Variants in RBM20 observed in about 807,000 individuals in gnomAD.
RBM20 encodes the protein RNA binding motif protein 20.
In RBM20, 51 loss-of-function variants were observed where a neutral mutation model predicts 110.1. The observed-to-expected ratio is 0.46, with a 90% CI of 0.37 to 0.59. RBM20 has a LOEUF of 0.59. Ranked by LOEUF, RBM20 falls within the 20% of genes least tolerant of loss-of-function variation. The pLI is 0.00. For synonymous variants in RBM20, 589 were observed against 618.2 expected, an observed-to-expected ratio of 0.95 and a Z score of 0.70; for missense variants, 1,512 against 1,574.9, an observed-to-expected ratio of 0.96 and a Z score of 0.68.
chr10:110,665,133 C>T (rs1452538548), intron 1 of RBM20, among the ~76,000 whole-genome samples: 2 of 152,078 alleles, frequency 1.3e-5, no homozygotes, highest in African/African-American at 2.4e-5. Context: ...GCCTCAGCCT[C>T]GCAAAGTGTT....
At chr10:110,643,320 C>T (rs1176313535), upstream of RBM20, among the ~76,000 whole-genome samples, 2 of 145,356 alleles carry the variant, frequency 1.4e-5, no homozygotes, top group African/African-American at 5.4e-5. Flanking sequence ...GCTCCGTAGA[C>T]ATTTCTGTGT....
chr10:110,817,022 A>G (rs1004354107), intron 9 of RBM20, among the ~76,000 whole-genome samples: 1 of 152,226 alleles, frequency 6.6e-6, no homozygotes, highest in Admixed American at 6.5e-5. Flanking sequence ...CCACAGGACC[A>G]TAAAGAGGAG....
At chr10:110,806,950 G>A (rs1564852501) in intron 7 of RBM20, among the ~76,000 whole-genome samples, 2 of 152,100 alleles carry the variant, frequency 1.3e-5, no homozygotes, top group African/African-American at 2.4e-5. Flanking sequence ...GAAAATCTTT[G>A]GCTACTTCTG....
intron 1 of RBM20, among the ~76,000 whole-genome samples, chr10:110,681,198 C>G (rs1441890898): frequency 1.3e-5 from 2 of 152,170 alleles, no homozygotes; most frequent in South Asian, 2.1e-4. Context: ...AGAACTGGCC[C>G]GGAATCCCAG....
rs1844339155 is a variant in RBM20 at position 110,781,167 on chromosome 10, T to C, written c.558T>C (p.Leu186=). The change falls in exon 2 of 14, where the codon CTT becomes CTC. Residue 186 remains leucine (L), a synonymous_variant. Transcript: ENST00000369519. The stretch of plus-strand genomic sequence containing the variant: ...GAGGCCCCGGACCCTCCATGAACCT[T>C]CCCAACCAGCCACCCAGTGCCATGG... ...QTRGPGPSMN[L]PNQPPSAMVM... 2 of 1,551,374 alleles carry C rather than the reference T, an allele frequency of 1.3e-6. No homozygotes were observed. Among genetic ancestry groups the C allele is most frequent in the African/African-American group, 2.7e-5 (2 of 72,964 alleles).
chr10:110,668,527 A>G (rs1408237940), intron 1 of RBM20, among the ~76,000 whole-genome samples: 1 of 151,848 alleles, frequency 6.6e-6, no homozygotes, highest in Non-Finnish European at 1.5e-5. Flanking sequence ...TATAGGGGAG[A>G]CCTTGTCATT....
chr10:110,791,789 G>T (rs945464444), intron 5 of RBM20, among the ~76,000 whole-genome samples: 1 of 152,168 alleles, frequency 6.6e-6, no homozygotes, highest in Non-Finnish European at 1.5e-5. Context: ...CCTCCCTGAG[G>T]CTGAAAAAGG....
chr10:110,672,541 A>C (rs1862277104), intron 1 of RBM20, among the ~76,000 whole-genome samples: 1 of 152,226 alleles, frequency 6.6e-6, no homozygotes, highest in South Asian at 2.1e-4. Context: ...GGTGCGCCGC[A>C]GGCGGTCTTC....
Position 110,812,569 on chromosome 10 carries a change from C to T in RBM20, c.2172C>T (p.Asp724=), listed in dbSNP as rs368933889. 4.6e-5 allele frequency: 71 copies of T among 1,551,686 alleles called. No homozygotes were observed. The highest frequency in any genetic ancestry group is 3.1e-4 in the South Asian group (26 of 84,054). Residue 724 remains aspartate, a synonymous_variant, in exon 9 of 14, where the codon GAC becomes GAT. Coordinates refer to ENST00000369519, the MANE Select transcript of RBM20 (RefSeq NM_001134363.3). ...HPRQLDKAEL[D]ERPEGGRPHR... ...GGCAACTGGACAAGGCTGAGTTGGACGAGCGACCAGAAGGAGGGAGGCCCC... is the reference window on the plus strand; with the variant it reads ...GGCAACTGGACAAGGCTGAGTTGGATGAGCGACCAGAAGGAGGGAGGCCCC...
intron 1 of RBM20, among the ~76,000 whole-genome samples, chr10:110,760,700 C>T (rs962412084): frequency 6.6e-6 from 1 of 150,580 alleles, no homozygotes; most frequent in African/African-American, 2.4e-5. Context: ...CTTGACCTCC[C>T]AAAGTGCTGC....
chr10:110,665,376 G>A (rs1862161614), intron 1 of RBM20, among the ~76,000 whole-genome samples: 1 of 146,654 alleles, frequency 6.8e-6, no homozygotes, highest in African/African-American at 2.4e-5. Flanking sequence ...TAATGTCTTG[G>A]CAGGCTTGAG....
chr10:110,665,473 G>C (rs945382067), intron 1 of RBM20, among the ~76,000 whole-genome samples: 2 of 152,148 alleles, frequency 1.3e-5, no homozygotes, highest in Non-Finnish European at 2.9e-5. Flanking sequence ...ATCAGAAAAT[G>C]GGACATGCTG....
At chr10:110,733,704 C>T (rs556179200) in intron 1 of RBM20, among the ~76,000 whole-genome samples, 5 of 152,364 alleles carry the variant, frequency 3.3e-5, no homozygotes, top group East Asian at 1.9e-4. Context: ...CGTGGCTCGG[C>T]GCTTTCTGGC....
At chr10:110,651,801 G>A (rs542356688) in intron 1 of RBM20, among the ~76,000 whole-genome samples, 1 of 152,182 alleles carries the variant, frequency 6.6e-6, no homozygotes, top group African/African-American at 2.4e-5. Context: ...TCATGCTTCC[G>A]TGTAGCCTCA....
rs1339012707 is a variant in RBM20, at chr10:110,820,167, G to A, written c.2646G>A (p.Arg882=). The A allele has an allele frequency of 1.3e-6, 2 of 1,549,966 alleles. No homozygotes were observed. The highest frequency in any genetic ancestry group is 1.7e-6 in the Non-Finnish European group (2 of 1,145,456). The change falls in exon 10 of 14, where the codon AGG becomes AGA. Residue 882 remains arginine (R), a synonymous_variant. Coordinates refer to ENST00000369519, the MANE Select transcript of RBM20 (RefSeq NM_001134363.3). ...EAEFSDPENT[R]TKKEQDWESE... ...AGTTCTCTGATCCGGAAAACACAAGGACAAAGAAGGTAAAGTTTGTTTCAG... is the reference window on the plus strand; with the variant it reads ...AGTTCTCTGATCCGGAAAACACAAGAACAAAGAAGGTAAAGTTTGTTTCAG...
intron 1 of RBM20, among the ~76,000 whole-genome samples, chr10:110,750,280 T>C (rs539481054): frequency 2.6e-5 from 4 of 152,328 alleles, no homozygotes; most frequent in Admixed American, 1.3e-4. Flanking sequence ...ACTATCGTTG[T>C]ATAGGGGGAA....
chr10:110,816,392 C>G (rs1421522158), intron 9 of RBM20, among the ~76,000 whole-genome samples: 1 of 147,652 alleles, frequency 6.8e-6, no homozygotes, highest in Admixed American at 6.7e-5. Context: ...CATCTCAACA[C>G]CCCAACCCAC....
intron 11 of RBM20, 148 bp from the exon 12 acceptor site, chr10:110,823,332 A>G: frequency 9.6e-7 from 1 of 1,039,196 alleles, no homozygotes; most frequent in East Asian, 2.7e-5. Flanking sequence ...ATTAGCAACC[A>G]TTGCCCCAGC....
intron 1 of RBM20, among the ~76,000 whole-genome samples, chr10:110,777,894 G>A (rs1027549628): frequency 1.3e-5 from 2 of 152,256 alleles, no homozygotes; most frequent in Non-Finnish European, 2.9e-5. Context: ...CAGGCTGTAT[G>A]ATGGACAAAC....
Sources: gnomAD v4.1 joint callset for allele counts (sites outside exome capture counted in the v4.1 genomes callset) on GRCh38, gnomAD v4.1.1 for gene constraint, MANE v1.5 for transcripts, NCBI Gene and HGNC (gene_info 2026-07-23, HGNC 2026-07-21) for gene names.